Variants in SPAG16 observed in about 807,000 individuals in gnomAD.
SPAG16 encodes sperm associated antigen 16, also known as sperm-associated antigen 16 protein.
SPAG16 carries 86 observed loss-of-function variants against 80.4 expected under a neutral mutation model. The observed-to-expected ratio is 1.07, with a 90% CI of 0.90 to 1.28. The LOEUF (loss-of-function observed/expected upper bound fraction) is 1.28, where lower values mean the gene tolerates loss of function less well. Ranked by LOEUF, SPAG16 falls within the 50% of genes most tolerant of loss-of-function variation. The probability of loss-of-function intolerance (pLI) is 0.00; values close to 1 mark genes in which losing one functional copy is unlikely to be tolerated. For synonymous variants in SPAG16, 294 were observed against 265.9 expected (o/e 1.11, Z -1.03); for missense variants, 870 against 765.3 (o/e 1.14, Z -1.61).
At chr2:213,301,236 C>T (rs1470223619) in intron 3 of SPAG16, among the ~76,000 whole-genome samples, 1 of 142,480 alleles carries the variant, frequency 7.0e-6, no homozygotes, top group Non-Finnish European at 1.6e-5. Context: ...CATGTACACA[C>T]TTAATTTTAG....
chr2:214,349,637 T>C (rs1235284821), intron 15 of SPAG16, among the ~76,000 whole-genome samples: 1 of 152,224 alleles, frequency 6.6e-6, no homozygotes, highest in Non-Finnish European at 1.5e-5. Context: ...GTGTAAGTTT[T>C]AGTTTTATAA....
At chr2:213,799,032 A>T (rs981064817) in intron 10 of SPAG16, among the ~76,000 whole-genome samples, 2 of 152,130 alleles carry the variant, frequency 1.3e-5, no homozygotes, top group Non-Finnish European at 2.9e-5. Context: ...GTTATTTTTT[A>T]AGGTTTCTTT....
At chr2:213,298,068 A>G (rs1327809834) in intron 3 of SPAG16, among the ~76,000 whole-genome samples, 2 of 152,162 alleles carry the variant, frequency 1.3e-5, no homozygotes, top group Non-Finnish European at 2.9e-5. Flanking sequence ...GTGAGACTTT[A>G]CTGCATATTA....
At chr2:214,272,477 G>A (rs1488122930) in intron 15 of SPAG16, among the ~76,000 whole-genome samples, 1 of 152,012 alleles carries the variant, frequency 6.6e-6, no homozygotes, top group African/African-American at 2.4e-5. Context: ...CCCAGTGTGT[G>A]ATGTTCCCCT....
At chr2:214,072,137 T>G (rs1002090017) in intron 13 of SPAG16, among the ~76,000 whole-genome samples, 16 of 152,110 alleles carry the variant, frequency 1.1e-4, no homozygotes, top group African/African-American at 3.9e-4. Context: ...ATTTCCAGTT[T>G]CCAGTTGTCA....
chr2:214,062,723 T>C (rs1225795856), intron 13 of SPAG16, among the ~76,000 whole-genome samples: 2 of 147,082 alleles, frequency 1.4e-5, no homozygotes, highest in Non-Finnish European at 1.5e-5. Context: ...CTCGACATGG[T>C]AAAACAGAGT....
chr2:214,275,764 A>G (rs1692417334), intron 15 of SPAG16, among the ~76,000 whole-genome samples: 1 of 152,188 alleles, frequency 6.6e-6, no homozygotes, highest in Non-Finnish European at 1.5e-5. Flanking sequence ...AAGAATGTAT[A>G]TTCTGTTGAT....
intron 11 of SPAG16, among the ~76,000 whole-genome samples, chr2:213,907,619 C>T (rs57560803): frequency 0.014 from 2,195 of 152,116 alleles, 60 homozygotes; most frequent in African/African-American, 0.05. Context: ...AATAAATCAA[C>T]CTAAATGTCC....
chr2:213,559,111 G>C (rs2059522630), intron 10 of SPAG16, among the ~76,000 whole-genome samples: 2 of 152,002 alleles, frequency 1.3e-5, no homozygotes, highest in Middle Eastern at 3.2e-3. Context: ...AAATATTTAA[G>C]ATATAAAATT....
intron 12 of SPAG16, among the ~76,000 whole-genome samples, chr2:213,996,819 C>T (rs995776100): frequency 7.2e-5 from 11 of 152,186 alleles, no homozygotes; most frequent in African/African-American, 2.4e-4. Flanking sequence ...CTGCCCACCT[C>T]GGCCTCCCAA....
At chr2:214,117,363 G>A (rs930776490) in intron 14 of SPAG16, among the ~76,000 whole-genome samples, 3 of 152,160 alleles carry the variant, frequency 2.0e-5, no homozygotes, top group African/African-American at 7.2e-5. Flanking sequence ...TCCTACAACA[G>A]TTGCCTGTCA....
chr2:213,521,177 G>A (rs1298164452), intron 10 of SPAG16, among the ~76,000 whole-genome samples: 1 of 152,138 alleles, frequency 6.6e-6, no homozygotes, highest in Non-Finnish European at 1.5e-5. Flanking sequence ...CAGGAAGGTG[G>A]CCTGGTTGGT....
chr2:213,870,452 C>T (rs1465055212), intron 11 of SPAG16, among the ~76,000 whole-genome samples: 1 of 152,138 alleles, frequency 6.6e-6, no homozygotes, highest in African/African-American at 2.4e-5. Flanking sequence ...CAAGGCACTG[C>T]CCAAGCGCTT....
chr2:213,292,689 AAAAAAC>A (rs1295963566), intron 1 of SPAG16, among the ~76,000 whole-genome samples: 2 of 139,194 alleles, frequency 1.4e-5, no homozygotes, highest in African/African-American at 5.6e-5. Flanking sequence ...AAAAAACAAA[AAAAAAC>A]AAAACTATCA....
At chr2:214,197,511 C>T (rs2057878065) in intron 15 of SPAG16, among the ~76,000 whole-genome samples, 1 of 151,908 alleles carries the variant, frequency 6.6e-6, no homozygotes, top group African/African-American at 2.4e-5. Context: ...GTATGGACTA[C>T]AGTATGAATG....
intron 9 of SPAG16, among the ~76,000 whole-genome samples, chr2:213,391,358 A>G (rs1022478370): frequency 2.0e-5 from 3 of 152,232 alleles, no homozygotes; most frequent in South Asian, 2.1e-4. Context: ...ATTAACTATC[A>G]TAATCAATTT....
intron 15 of SPAG16, among the ~76,000 whole-genome samples, chr2:214,366,431 C>T (rs1683767315): frequency 6.6e-6 from 1 of 152,150 alleles, no homozygotes; most frequent in South Asian, 2.1e-4. Flanking sequence ...ATTACTCAGA[C>T]TAGAAATATT....
intron 15 of SPAG16, among the ~76,000 whole-genome samples, chr2:214,171,299 T>C (rs2056859773): frequency 6.6e-6 from 1 of 151,938 alleles, no homozygotes; most frequent in Non-Finnish European, 1.5e-5. Context: ...TTTGACTCCT[T>C]TACATTGAAA....
intron 5 of SPAG16, among the ~76,000 whole-genome samples, chr2:213,337,053 C>A (rs1209997364): frequency 6.6e-6 from 1 of 152,268 alleles, no homozygotes; most frequent in African/African-American, 2.4e-5. Flanking sequence ...GTAGCCTCTG[C>A]TGGTGATACC....
Sources: allele counts gnomAD v4.1 joint callset (sites outside exome capture counted in the v4.1 genomes callset), GRCh38; gene constraint gnomAD v4.1.1; transcripts MANE v1.5; gene names NCBI Gene and HGNC (gene_info 2026-07-23, HGNC 2026-07-21).